Variants in CTNND2 observed in about 807,000 individuals in gnomAD.
CTNND2 encodes catenin delta 2.
A neutral mutation model predicts 144.4 loss-of-function variants in CTNND2; 22 were observed. That is an observed-to-expected ratio of 0.15 (90% CI 0.11 to 0.22). The LOEUF (loss-of-function observed/expected upper bound fraction) is 0.22, where lower values mean the gene tolerates loss of function less well. Among genes scored for constraint, CTNND2 ranks in the 10% least tolerant of loss-of-function variants. CTNND2 has a pLI of 1.00. For synonymous variants in CTNND2, 751 were observed against 695.6 expected, an observed-to-expected ratio of 1.08 and a Z score of -1.25; for missense variants, 1,353 against 1,618.8, an observed-to-expected ratio of 0.84 and a Z score of 2.82.
chr5:11,483,018 A>G (rs961104617), intron 3 of CTNND2, among the ~76,000 whole-genome samples: 65 of 151,998 alleles, frequency 4.3e-4, no homozygotes, highest in Admixed American at 2.8e-3. Context: ...CACTGGTCAG[A>G]GCAATAAAAT....
chr5:11,429,299 C>T (rs1763055538), intron 3 of CTNND2, among the ~76,000 whole-genome samples: 1 of 152,192 alleles, frequency 6.6e-6, no homozygotes, highest in Non-Finnish European at 1.5e-5. Flanking sequence ...TTAAATGAAA[C>T]ATTATTTTCA....
chr5:11,762,301 A>T (rs1180616685), intron 1 of CTNND2, among the ~76,000 whole-genome samples: 1 of 152,176 alleles, frequency 6.6e-6, no homozygotes, highest in East Asian at 1.9e-4. Context: ...AAAGAAATTA[A>T]GTAACATTTT....
chr5:11,312,957 T>C (rs1580875491), intron 9 of CTNND2, among the ~76,000 whole-genome samples: 1 of 152,220 alleles, frequency 6.6e-6, no homozygotes, highest in African/African-American at 2.4e-5. Flanking sequence ...ATTAGGGGCC[T>C]GGAGAATGCC....
At chr5:11,282,266 A>G (rs1747229225) in intron 9 of CTNND2, among the ~76,000 whole-genome samples, 1 of 152,174 alleles carries the variant, frequency 6.6e-6, no homozygotes, top group Non-Finnish European at 1.5e-5. Context: ...TAAGCTTCCT[A>G]CCACAGCACT....
chr5:11,374,982 A>T (rs935210209), intron 7 of CTNND2, among the ~76,000 whole-genome samples: 2 of 152,078 alleles, frequency 1.3e-5, no homozygotes, highest in Non-Finnish European at 2.9e-5. Context: ...GAACAGGAAT[A>T]AGGCTTAACA....
At chr5:11,719,056 C>T (rs1786515179) in intron 2 of CTNND2, among the ~76,000 whole-genome samples, 1 of 152,176 alleles carries the variant, frequency 6.6e-6, no homozygotes, top group Non-Finnish European at 1.5e-5. Flanking sequence ...TATATGCATA[C>T]ATTCCATTAC....
intron 3 of CTNND2, among the ~76,000 whole-genome samples, chr5:11,428,033 C>A (rs1175667353): frequency 6.6e-6 from 1 of 152,102 alleles, no homozygotes; most frequent in African/African-American, 2.4e-5. Flanking sequence ...CCCTGATAAA[C>A]CCATCAGATC....
intron 2 of CTNND2, among the ~76,000 whole-genome samples, chr5:11,680,404 G>C (rs988378355): frequency 6.6e-6 from 1 of 152,074 alleles, no homozygotes; most frequent in Non-Finnish European, 1.5e-5. Flanking sequence ...GGTAGGAGTG[G>C]GGAGGGAGTG....
intron 2 of CTNND2, among the ~76,000 whole-genome samples, chr5:11,582,479 T>C (rs116833028): frequency 0.014 from 2,134 of 152,298 alleles, 31 homozygotes; most frequent in Middle Eastern, 0.037. Flanking sequence ...CTACACCTTT[T>C]GGCACCACAT....
chr5:11,384,097 T>C lies in CTNND2; in HGVS notation c.1177+568A>G, dbSNP rs1171582298. On this transcript the variant is annotated intron_variant, in intron 7 of 21. Coordinates refer to ENST00000304623, the MANE Select transcript of CTNND2 (RefSeq NM_001332.4). The surrounding 1 kb of genome is among the most constrained non-coding windows in gnomAD (Gnocchi z 5.2). Reference sequence around the variant, plus strand: ...CAATGACAGGTATGGGAGAGTCCTTTAGTTTTCCCAATAACTAATTTAGCA... The same window carrying C: ...CAATGACAGGTATGGGAGAGTCCTTCAGTTTTCCCAATAACTAATTTAGCA... Among the ~76,000 whole-genome samples, 5 of 152,230 alleles carry C rather than the reference T, an allele frequency of 3.3e-5. No individual in the cohort carries two copies. Among genetic ancestry groups the C allele is most frequent in the African/African-American group, 9.6e-5 (4 of 41,454 alleles).
chr5:11,178,846 C>G (rs533675909), intron 11 of CTNND2, among the ~76,000 whole-genome samples: 20 of 152,078 alleles, frequency 1.3e-4, no homozygotes, highest in Non-Finnish European at 1.5e-5. Flanking sequence ...ATACATTCTT[C>G]GCCTTATATT....
At chr5:11,884,070 A>G (rs1736334474) in intron 1 of CTNND2, among the ~76,000 whole-genome samples, 1 of 151,984 alleles carries the variant, frequency 6.6e-6, no homozygotes, top group Non-Finnish European at 1.5e-5. Context: ...TAGATTCTGG[A>G]TATTAGCCCT....
chr5:11,704,801 A>G (rs1785618964), intron 2 of CTNND2, among the ~76,000 whole-genome samples: 1 of 151,792 alleles, frequency 6.6e-6, no homozygotes. Context: ...TGCCTACATA[A>G]AGCATATTTA....
intron 1 of CTNND2, among the ~76,000 whole-genome samples, chr5:11,850,735 T>C (rs1295819724): frequency 1.3e-5 from 2 of 152,196 alleles, no homozygotes; most frequent in Admixed American, 1.3e-4. Context: ...AAACAAAAGT[T>C]TCTATTTGAA....
chr5:11,262,103 C>A (rs896321147), intron 9 of CTNND2, among the ~76,000 whole-genome samples: 1 of 152,098 alleles, frequency 6.6e-6, no homozygotes, highest in African/African-American at 2.4e-5. Context: ...TAAAGTTCCA[C>A]GTTACCAATC....
intron 2 of CTNND2, among the ~76,000 whole-genome samples, chr5:11,715,311 C>T (rs1035633937): frequency 6.6e-6 from 1 of 152,068 alleles, no homozygotes; most frequent in African/African-American, 2.4e-5. Context: ...TTCAGGTTGT[C>T]GCTGCTTTAT....
chr5:11,720,822 A>G (rs1786634464), intron 2 of CTNND2, among the ~76,000 whole-genome samples: 1 of 152,186 alleles, frequency 6.6e-6, no homozygotes, highest in Admixed American at 6.5e-5. Context: ...TATTCTGCCT[A>G]TAGTCAAAAA....
chr5:11,485,049 T>C (rs1768667181), intron 3 of CTNND2, among the ~76,000 whole-genome samples: 1 of 151,900 alleles, frequency 6.6e-6, no homozygotes, highest in African/African-American at 2.4e-5. Flanking sequence ...AAAAATGTGG[T>C]TTCATGGCAG....
intron 9 of CTNND2, among the ~76,000 whole-genome samples, chr5:11,293,591 A>G (rs1430594865): frequency 1.3e-5 from 2 of 151,878 alleles, no homozygotes; most frequent in Non-Finnish European, 2.9e-5. Context: ...ACAAATAACA[A>G]AAATTACATT....
Sources: gnomAD v4.1 joint callset for allele counts (sites outside exome capture counted in the v4.1 genomes callset) on GRCh38, gnomAD v4.1.1 for gene constraint, Gnocchi (gnomAD v3.1) non-coding constraint, MANE v1.5 for transcripts, NCBI Gene and HGNC (gene_info 2026-07-23, HGNC 2026-07-21) for gene names.